NMRK1: variants seen among roughly 807,000 people sequenced by gnomAD.
NMRK1 encodes the protein NRK 1.
A neutral mutation model predicts 29.9 loss-of-function variants in NMRK1; 28 were observed. The ratio of observed to expected loss-of-function variants is 0.94; its 90% CI spans 0.69 to 1.28. The LOEUF (loss-of-function observed/expected upper bound fraction) is 1.28, where lower values mean the gene tolerates loss of function less well. NMRK1 is among the 50% of genes most tolerant of loss of function. The pLI, the probability that NMRK1 is intolerant of heterozygous loss-of-function variation, is 0.00. For synonymous variants in NMRK1, 58 were observed against 73.0 expected (o/e 0.79, Z 1.05); for missense variants, 218 against 233.1 (o/e 0.94, Z 0.42).
chr9:75,062,808 G>C (rs1439516441), intron 8 of NMRK1, among the ~76,000 whole-genome samples: 2 of 152,330 alleles, frequency 1.3e-5, no homozygotes, highest in African/African-American at 2.4e-5. Flanking sequence ...AAGGCAGACG[G>C]ATTACCTGAG....
rs1822971760 is a variant in NMRK1, at chr9:75,060,713, A to C, written c.*835T>G. On this transcript the variant is annotated 3_prime_UTR_variant, in exon 9 of 9. Transcript: ENST00000361092. ...TCCAAAGATAGGTCCCCTGGATTCC[A>C]CATGATTGAAGTAATTGCTTATTTC... 6.6e-6 allele frequency: 1 copy of C among 152,188 alleles called. No individual in the cohort carries two copies. Among genetic ancestry groups the C allele is most frequent in the Non-Finnish European group, 1.5e-5 (1 of 68,036 alleles). 9.4% of individuals were successfully genotyped at this position (152,188 alleles called of 1,614,324 possible). A position where few individuals can be genotyped will look rare whatever the true frequency, so the allele number is the denominator to read the frequency against.
At chr9:75,087,797 G>A (rs1292537418) in intron 1 of NMRK1, 1 of 152,174 alleles carries the variant, frequency 6.6e-6, no homozygotes, top group African/African-American at 2.4e-5. Context: ...CCCATTTTCA[G>A]GATTATTCCG....
chr9:75,074,125 T>G (rs898152083), intron 4 of NMRK1, among the ~76,000 whole-genome samples: 2 of 151,738 alleles, frequency 1.3e-5, no homozygotes, highest in Non-Finnish European at 2.9e-5. Flanking sequence ...TGGCACAACC[T>G]TGGCTCACTG....
intron 4 of NMRK1, among the ~76,000 whole-genome samples, chr9:75,072,131 TC>T (rs1187600791): frequency 2.0e-5 from 3 of 152,220 alleles, no homozygotes; most frequent in African/African-American, 7.2e-5. Context: ...GCCACCCTTT[TC>T]CTTGTCCCTT....
intron 1 of NMRK1, among the ~76,000 whole-genome samples, chr9:75,085,193 G>A (rs1824547423): frequency 1.3e-5 from 2 of 152,206 alleles, no homozygotes; most frequent in Admixed American, 1.3e-4. Context: ...ATAGCTCGCT[G>A]AAGCATAAAT....
At chr9:75,087,674 T>A (rs1022893371) in intron 1 of NMRK1, 1 of 151,266 alleles carries the variant, frequency 6.6e-6, no homozygotes, top group Non-Finnish European at 1.5e-5. Flanking sequence ...AGGCGGGCAG[T>A]AGGTCATCAC....
chr9:75,070,638 T>C (rs547610749), intron 4 of NMRK1, among the ~76,000 whole-genome samples: 5 of 152,316 alleles, frequency 3.3e-5, no homozygotes, highest in South Asian at 4.1e-4. Flanking sequence ...CTTAAACCAG[T>C]AGTATTAGCA....
intron 8 of NMRK1, among the ~76,000 whole-genome samples, chr9:75,062,745 A>G (rs987618717): frequency 1.3e-5 from 2 of 152,234 alleles, no homozygotes; most frequent in Admixed American, 1.3e-4. Context: ...TTAAACATTT[A>G]AAAAGGCTGA....
At chr9:75,074,023 C>A (rs975521543) in intron 4 of NMRK1, among the ~76,000 whole-genome samples, 1 of 152,046 alleles carries the variant, frequency 6.6e-6, no homozygotes, top group Non-Finnish European at 1.5e-5. Context: ...TAGCCTTTTA[C>A]GGCCTATATT....
At chr9:75,069,426 T>C in intron 6 of NMRK1, 2 of 468,684 alleles carry the variant, frequency 4.3e-6, no homozygotes, top group Non-Finnish European at 7.5e-6. Flanking sequence ...TTTGAACTAA[T>C]TGGTGTTCTT....
At chr9:75,062,685 C>T (rs968715685) in intron 8 of NMRK1, among the ~76,000 whole-genome samples, 2 of 152,166 alleles carry the variant, frequency 1.3e-5, no homozygotes, top group Non-Finnish European at 2.9e-5. Context: ...AATGTTAACA[C>T]TAATGATTGG....
chr9:75,077,489 C>A lies in NMRK1; in HGVS notation c.120+1G>T. On this transcript the variant is annotated splice_donor_variant, in intron 3 of 8. Transcript: ENST00000361092. LOFTEE classifies it high-confidence loss of function. The stretch of plus-strand genomic sequence containing the variant: ...AATAATTTAAGAAGTTTTATAGATA[C>A]CTTGAAGAAATCATCCTGAGATATG... 1 of 1,584,158 alleles carries A rather than the reference C, an allele frequency of 6.3e-7. No homozygotes were observed. Among genetic ancestry groups the A allele is most frequent in the South Asian group, 1.1e-5 (1 of 89,952 alleles).
intron 1 of NMRK1, among the ~76,000 whole-genome samples, chr9:75,084,816 G>T (rs1287821231): frequency 6.6e-6 from 1 of 152,068 alleles, no homozygotes; most frequent in East Asian, 1.9e-4. Context: ...TAGCAGACAA[G>T]TTGCATATTT....
intron 4 of NMRK1, among the ~76,000 whole-genome samples, chr9:75,074,319 T>G (rs533041961): frequency 3.0e-4 from 45 of 152,272 alleles, no homozygotes; most frequent in African/African-American, 1.0e-3. Flanking sequence ...TCACTTAATG[T>G]GGCTACTGGT....
chr9:75,083,949 C>T (rs926119920), intron 1 of NMRK1, among the ~76,000 whole-genome samples: 15 of 152,144 alleles, frequency 9.9e-5, no homozygotes, highest in African/African-American at 3.4e-4. Flanking sequence ...GCTATCATTT[C>T]TCTTAATTGG....
chr9:75,085,613 G>A (rs746653771), intron 1 of NMRK1, among the ~76,000 whole-genome samples: 1 of 151,924 alleles, frequency 6.6e-6, no homozygotes, highest in Non-Finnish European at 1.5e-5. Context: ...TAACAAGTGA[G>A]CATGGTTGTG....
intron 2 of NMRK1, chr9:75,078,400 C>T (rs4442208): frequency 0.11 from 168,449 of 1,558,056 alleles, 9,645 homozygotes; most frequent in African/African-American, 0.14. Flanking sequence ...GGGAGGTCTG[C>T]TGTAGCTTAT....
intron 2 of NMRK1, chr9:75,078,337 A>AT: frequency 6.4e-7 from 1 of 1,571,612 alleles, no homozygotes; most frequent in Non-Finnish European, 8.6e-7. Context: ...ATGAAATCAC[A>AT]TTTCCTCTGC....
chr9:75,077,497 A>T lies in NMRK1; in HGVS notation c.113T>A (p.Phe38Tyr). 1 of 1,601,770 alleles carries T rather than the reference A, an allele frequency of 6.2e-7. No individual in the cohort carries two copies. Among genetic ancestry groups the T allele is most frequent in the Non-Finnish European group, 8.6e-7 (1 of 1,169,242 alleles). The change falls in exon 3 of 9, where the codon TTC becomes TAC. Residue 38 changes from phenylalanine to tyrosine, a missense_variant. Physicochemically the swap from Phe to Tyr is conservative, Grantham distance 22 (BLOSUM62 3). Transcript: ENST00000361092. ...AAGAAGTTTTATAGATACCTTGAAGAAATCATCCTGAGATATGACACTGCA... is the reference window on the plus strand; with the variant it reads ...AAGAAGTTTTATAGATACCTTGAAGTAATCATCCTGAGATATGACACTGCA... ...PNCSVISQDDFFKPESEIETD... is the reference protein window; with the variant it reads ...PNCSVISQDDYFKPESEIETD...
Sources: allele counts gnomAD v4.1 joint callset (sites outside exome capture counted in the v4.1 genomes callset), GRCh38; gene constraint gnomAD v4.1.1; transcripts MANE v1.5; gene names NCBI Gene and HGNC (gene_info 2026-07-23, HGNC 2026-07-21).